The following RIT2 variants were observed in gnomAD, a reference collection of about 807,000 sequenced individuals.
RIT2 encodes Ras like without CAAX 2.
A neutral mutation model predicts 23.7 loss-of-function variants in RIT2; 24 were observed. That is an observed-to-expected ratio of 1.01 (90% CI 0.73 to 1.43). The LOEUF is 1.43. Ranked by LOEUF, RIT2 falls within the 40% of genes most tolerant of loss-of-function variation. RIT2 has a pLI of 0.00. For missense variants in RIT2, 236 were observed against 266.9 expected, an observed-to-expected ratio of 0.88 and a Z score of 0.81; for synonymous variants, 107 against 91.1, an observed-to-expected ratio of 1.17 and a Z score of -0.99.
At chr18:43,008,068 T>A (rs1911266861) in intron 2 of RIT2, among the ~76,000 whole-genome samples, 1 of 151,664 alleles carries the variant, frequency 6.6e-6, no homozygotes, top group African/African-American at 2.4e-5. Context: ...AATTTGTCTT[T>A]CCACAAAATA....
At position 43,069,582 on chromosome 18, in the gene RIT2, C is replaced by T. The variant is rs549534049; in HGVS notation, c.104-35715G>A. ...GTTTTTGTCCTTGCCCACCTACAGT[C>T]TATGCTTCATACAGAAACCAGAGTG... is the stretch of plus-strand genomic sequence containing the variant. On this transcript the variant is annotated intron_variant, in intron 1 of 4. Transcript: ENST00000326695. Among the ~76,000 whole-genome samples, 9 of 152,264 alleles carry T rather than the reference C, an allele frequency of 5.9e-5. No homozygotes were observed. The South Asian group carries it at 1.9e-3, about 32-fold the overall frequency.
chr18:42,863,697 C>A (rs1021738614), intron 4 of RIT2, among the ~76,000 whole-genome samples: 1 of 152,118 alleles, frequency 6.6e-6, no homozygotes, highest in African/African-American at 2.4e-5. Flanking sequence ...TCATTGGAAC[C>A]TTTCTCATGT....
At chr18:42,957,001 G>A (rs1004137258) in intron 3 of RIT2, among the ~76,000 whole-genome samples, 1 of 152,126 alleles carries the variant, frequency 6.6e-6, no homozygotes, top group Non-Finnish European at 1.5e-5. Context: ...ACTGTTTGGT[G>A]TCTGGGCTGT....
At chr18:42,881,561 A>G (rs1374537270) in intron 4 of RIT2, among the ~76,000 whole-genome samples, 2 of 152,114 alleles carry the variant, frequency 1.3e-5, no homozygotes, top group African/African-American at 4.8e-5. Flanking sequence ...TCCTTTCTGT[A>G]TGCATGAGGT....
intron 1 of RIT2, among the ~76,000 whole-genome samples, chr18:43,114,338 A>C (rs1366690974): frequency 6.6e-6 from 1 of 152,014 alleles, no homozygotes; most frequent in African/African-American, 2.4e-5. Context: ...CTAAAGTCAC[A>C]ATCTCCTTCC....
At chr18:42,813,054 T>C (rs747130596) in intron 4 of RIT2, among the ~76,000 whole-genome samples, 13 of 152,190 alleles carry the variant, frequency 8.5e-5, no homozygotes, top group Non-Finnish European at 1.5e-4. Flanking sequence ...TCAGTCCACA[T>C]GAAAGTGGCT....
intron 3 of RIT2, among the ~76,000 whole-genome samples, chr18:42,939,590 T>C (rs1318338464): frequency 1.3e-5 from 2 of 152,170 alleles, no homozygotes; most frequent in Non-Finnish European, 2.9e-5. Context: ...CTTAATCTGG[T>C]ATTACTACTA....
At chr18:43,010,309 T>A (rs929935690) in intron 2 of RIT2, among the ~76,000 whole-genome samples, 6 of 151,800 alleles carry the variant, frequency 4.0e-5, no homozygotes, top group African/African-American at 1.4e-4. Context: ...GGCTTCATAA[T>A]GAAGAAACTG....
At chr18:42,891,805 T>C (rs940395258) in intron 4 of RIT2, among the ~76,000 whole-genome samples, 2 of 152,124 alleles carry the variant, frequency 1.3e-5, no homozygotes, top group Non-Finnish European at 2.9e-5. Context: ...AGTATGACAC[T>C]ACAATGATAG....
chr18:42,853,633 A>G (rs891102488), intron 4 of RIT2, among the ~76,000 whole-genome samples: 35 of 152,192 alleles, frequency 2.3e-4, no homozygotes, highest in African/African-American at 8.4e-4. Flanking sequence ...TATTATTATA[A>G]TTTTTATTTG....
chr18:43,019,254 T>A (rs1911542255), intron 2 of RIT2, among the ~76,000 whole-genome samples: 1 of 151,778 alleles, frequency 6.6e-6, no homozygotes, highest in Non-Finnish European at 1.5e-5. Context: ...TGCAGGCCAA[T>A]ATCCCTAAAA....
intron 1 of RIT2, among the ~76,000 whole-genome samples, chr18:43,051,539 AC>A (rs1451668153): frequency 1.3e-5 from 2 of 152,126 alleles, no homozygotes; most frequent in African/African-American, 4.8e-5. Flanking sequence ...ATAATGAAAG[AC>A]ATTCATAAAT....
At chr18:42,907,326 A>T (rs1369450552) in intron 4 of RIT2, among the ~76,000 whole-genome samples, 1 of 152,194 alleles carries the variant, frequency 6.6e-6, no homozygotes, top group Non-Finnish European at 1.5e-5. Context: ...TTAAAAGTTC[A>T]AAGGGATGAG....
Position 42,908,998 on chromosome 18 carries a change from C to T in RIT2, c.426+14574G>A, listed in dbSNP as rs186703909. On this transcript the variant is annotated intron_variant, in intron 4 of 4. Coordinates refer to ENST00000326695, the MANE Select transcript of RIT2 (RefSeq NM_002930.4). ...AGTATCTATCCAAAGGAAAAGAAGT[C>T]GTTGTATGAAAAAGACACACATCCA... Among the ~76,000 whole-genome samples the T allele has an allele frequency of 1.0e-3, 157 of 152,172 alleles. 2 individuals carry two copies. Among genetic ancestry groups the T allele is most frequent in the African/African-American group, 3.5e-3 (144 of 41,540 alleles).
intron 2 of RIT2, among the ~76,000 whole-genome samples, chr18:42,993,228 G>A (rs1300122577): frequency 6.6e-6 from 1 of 152,128 alleles, no homozygotes; most frequent in Non-Finnish European, 1.5e-5. Context: ...TGTCTATGTG[G>A]GACCCCACTG....
intron 4 of RIT2, among the ~76,000 whole-genome samples, chr18:42,879,526 T>C (rs1907833074): frequency 6.6e-6 from 1 of 151,426 alleles, no homozygotes; most frequent in African/African-American, 2.4e-5. Flanking sequence ...ACCTGACTTC[T>C]TTTTTGTTTT....
At chr18:42,756,865 T>C (rs1913175947) in intron 4 of RIT2, among the ~76,000 whole-genome samples, 1 of 143,004 alleles carries the variant, frequency 7.0e-6, no homozygotes, top group Non-Finnish European at 1.5e-5. Context: ...TAATCTATTC[T>C]GTTAACAAAT....
At chr18:42,893,387 G>C (rs1452058100) in intron 4 of RIT2, among the ~76,000 whole-genome samples, 2 of 152,140 alleles carry the variant, frequency 1.3e-5, no homozygotes, top group African/African-American at 4.8e-5. Context: ...TTGGATGTGG[G>C]TTTCTTCTCT....
At chr18:42,885,703 A>T (rs1169005765) in intron 4 of RIT2, among the ~76,000 whole-genome samples, 1 of 152,232 alleles carries the variant, frequency 6.6e-6, no homozygotes. Context: ...ATATCTCATT[A>T]GTTTTCATAT....
Sources: allele counts gnomAD v4.1 joint callset (sites outside exome capture counted in the v4.1 genomes callset), GRCh38; gene constraint gnomAD v4.1.1; transcripts MANE v1.5; gene names NCBI Gene and HGNC (gene_info 2026-07-23, HGNC 2026-07-21).